The following ACOT13 variants were observed in gnomAD, a reference collection of about 807,000 sequenced individuals.
ACOT13 encodes the protein acyl-CoA thioesterase 13.
ACOT13 carries 10 observed loss-of-function variants against 11.8 expected under a neutral mutation model. The observed-to-expected ratio is 0.85, with a 90% confidence interval of 0.53 to 1.44. The LOEUF is 1.44. Among genes scored for constraint, ACOT13 ranks in the 40% most tolerant of loss-of-function variants. ACOT13 has a pLI of 0.00. For synonymous variants in ACOT13, 53 were observed against 61.0 expected, an observed-to-expected ratio of 0.87 and a Z score of 0.61; for missense variants, 172 against 174.1, an observed-to-expected ratio of 0.99 and a Z score of 0.07.
intron 1 of ACOT13, among the ~76,000 whole-genome samples, chr6:24,682,045 T>C (rs768604944): frequency 2.0e-5 from 3 of 151,870 alleles, no homozygotes; most frequent in Admixed American, 6.6e-5. Context: ...CCCAAGAAAA[T>C]TGAAAGTGGA....
intron 2 of ACOT13, 165 bp from the exon 3 acceptor site, chr6:24,701,294 G>T: frequency 2.0e-6 from 1 of 488,242 alleles, no homozygotes; most frequent in Non-Finnish European, 3.4e-6. Flanking sequence ...ATAGAACCTG[G>T]TTAGGACCAG....
intron 1 of ACOT13, among the ~76,000 whole-genome samples, chr6:24,680,202 C>T (rs1582437246): frequency 6.6e-6 from 1 of 152,186 alleles, no homozygotes; most frequent in South Asian, 2.1e-4. Flanking sequence ...CTCCATTTGC[C>T]CTCCTTTCTA....
chr6:24,685,922 A>G (rs1778623510), intron 1 of ACOT13, among the ~76,000 whole-genome samples: 1 of 152,098 alleles, frequency 6.6e-6, no homozygotes, highest in Admixed American at 6.5e-5. Flanking sequence ...GCTGAGTACC[A>G]TAGCGCACAC....
At chr6:24,684,781 G>A (rs958730199) in intron 1 of ACOT13, among the ~76,000 whole-genome samples, 1 of 141,520 alleles carries the variant, frequency 7.1e-6, no homozygotes, top group Admixed American at 7.1e-5. Context: ...GGGAGGCCCA[G>A]GTGGGAAGGT....
chr6:24,674,115 G>T (rs1402707299), intron 1 of ACOT13, among the ~76,000 whole-genome samples: 1 of 152,120 alleles, frequency 6.6e-6, no homozygotes, highest in Non-Finnish European at 1.5e-5. Flanking sequence ...AGGCTGGAAG[G>T]CAATGGCCCG....
At position 24,703,588 on chromosome 6, in the gene ACOT13, G is replaced by A. The variant is rs1420902971; in HGVS notation, c.*1973G>A. On this transcript the variant is annotated 3_prime_UTR_variant, in exon 3 of 3. Transcript: ENST00000230048. ...AGGTAGATAATAAATGGCAGAGATA[G>A]AACACTCTCTTACAACAAATGCTGT... 6.6e-6 allele frequency: 1 copy of A among 151,920 alleles called. No individual in the cohort carries two copies. Among genetic ancestry groups the A allele is most frequent in the Non-Finnish European group, 1.5e-5 (1 of 67,852 alleles). The allele number at this position is 151,920 out of a possible 1,614,324, so 9.4% of individuals were successfully genotyped here.
intron 1 of ACOT13, among the ~76,000 whole-genome samples, chr6:24,683,267 G>A (rs1215335235): frequency 6.6e-6 from 1 of 152,216 alleles, no homozygotes; most frequent in Non-Finnish European, 1.5e-5. Context: ...GTTGGGCCCG[G>A]TGGCTCACGC....
chr6:24,693,142 T>C (rs974808814), intron 1 of ACOT13, among the ~76,000 whole-genome samples: 9 of 152,254 alleles, frequency 5.9e-5, no homozygotes, highest in Non-Finnish European at 1.2e-4. Flanking sequence ...GCAACATCCA[T>C]GGTCAGGGAA....
intron 1 of ACOT13, among the ~76,000 whole-genome samples, chr6:24,688,217 A>C (rs1161493456): frequency 6.6e-6 from 1 of 151,984 alleles, no homozygotes; most frequent in African/African-American, 2.4e-5. Context: ...GCACAAAAAA[A>C]TTTGTTGCAG....
intron 1 of ACOT13, among the ~76,000 whole-genome samples, chr6:24,671,621 C>A (rs1330857341): frequency 6.6e-6 from 1 of 151,642 alleles, no homozygotes; most frequent in Admixed American, 6.6e-5. Flanking sequence ...TTTAAAAAAA[C>A]AAATTTAACA....
chr6:24,696,767 T>C (rs1452171740), intron 1 of ACOT13, among the ~76,000 whole-genome samples: 1 of 152,132 alleles, frequency 6.6e-6, no homozygotes, highest in Non-Finnish European at 1.5e-5. Flanking sequence ...ATGTTTGATA[T>C]AAAAATCATA....
chr6:24,667,894 G>A (rs749989054), intron 1 of ACOT13, among the ~76,000 whole-genome samples: 1 of 152,124 alleles, frequency 6.6e-6, no homozygotes, highest in Non-Finnish European at 1.5e-5. Context: ...CACAAAGCCC[G>A]AAGGTGTTTG....
chr6:24,704,732 T>C lies in ACOT13; in HGVS notation c.*3117T>C, dbSNP rs1778965687. 6.6e-6 allele frequency: 1 copy of C among 152,212 alleles called. No homozygotes were observed. Among genetic ancestry groups the C allele is most frequent in the African/African-American group, 2.4e-5 (1 of 41,458 alleles). The allele number at this position is 152,212 out of a possible 1,614,324, so 9.4% of individuals were successfully genotyped here. A position where few individuals can be genotyped will look rare whatever the true frequency, so the allele number is the denominator to read the frequency against. On this transcript the variant is annotated 3_prime_UTR_variant, in exon 3 of 3. Transcript: ENST00000230048. ...AGTATGTTCTTGATTCCTGTTCTTG[T>C]TGAAGTTACACACTCAATTGCCAGG...
At chr6:24,697,835 T>C in intron 1 of ACOT13, 48 bp from the exon 2 acceptor site, 1 of 1,472,548 alleles carries the variant, frequency 6.8e-7, no homozygotes, top group Non-Finnish European at 9.1e-7. Context: ...TTTTTGGCTT[T>C]TCTAATTCTA....
In ACOT13 at chr6:24,702,628, CTTTTT is replaced by C. The variant is rs141582707; in HGVS notation, c.*1016_*1020del. ...AAATGCCAAGCTACACTTGCATTTC[CTTTTT>C]TTAAGATTATGAAACTTCAAAATAT... is the stretch of plus-strand genomic sequence containing the variant. On this transcript the variant is annotated 3_prime_UTR_variant, in exon 3 of 3. Transcript: ENST00000230048. The C allele has an allele frequency of 6.6e-6, 1 of 152,048 alleles. No homozygotes were observed. Among genetic ancestry groups the C allele is most frequent in the Non-Finnish European group, 1.5e-5 (1 of 68,002 alleles). 9.4% of individuals were successfully genotyped at this position (152,048 alleles called of 1,614,324 possible). A position where few individuals can be genotyped will look rare whatever the true frequency, so the allele number is the denominator to read the frequency against.
At chr6:24,700,214 C>T (rs1778869606) in intron 2 of ACOT13, among the ~76,000 whole-genome samples, 1 of 152,186 alleles carries the variant, frequency 6.6e-6, no homozygotes, top group Non-Finnish European at 1.5e-5. Flanking sequence ...ATTCCCCGGA[C>T]TTAATGTTTA....
At chr6:24,691,351 A>G (rs1778714422) in intron 1 of ACOT13, among the ~76,000 whole-genome samples, 5 of 152,234 alleles carry the variant, frequency 3.3e-5, no homozygotes, top group Admixed American at 3.3e-4. Context: ...GGTACTGGAG[A>G]TACATCAGTG....
chr6:24,679,214 T>G (rs1778507174), intron 1 of ACOT13, among the ~76,000 whole-genome samples: 1 of 150,596 alleles, frequency 6.6e-6, no homozygotes, highest in African/African-American at 2.4e-5. Flanking sequence ...GGGCCATGAC[T>G]AAAGCAGTGG....
At position 24,701,541 on chromosome 6, in the gene ACOT13, T is replaced by G. The variant is rs774181794; in HGVS notation, c.349T>G (p.Ser117Ala). 3 of 1,613,982 alleles carry G rather than the reference T, an allele frequency of 1.9e-6. No individual in the cohort carries two copies. Among genetic ancestry groups the G allele is most frequent in the Non-Finnish European group, 2.5e-6 (3 of 1,179,920 alleles). ...GCAAGGAAAAACACTTGCATTTACC[T>G]CTGTGGATCTGACCAACAAGGCCAC... Reference protein sequence around the residue: ...LKQGKTLAFTSVDLTNKATGK... With the variant: ...LKQGKTLAFTAVDLTNKATGK... Residue 117 changes from serine to alanine, a missense_variant, in exon 3 of 3, where the codon TCT becomes GCT. Physicochemically the swap from Ser to Ala is moderately conservative, Grantham distance 99. Coordinates refer to ENST00000230048, the MANE Select transcript of ACOT13 (RefSeq NM_018473.4).
Sources: gnomAD v4.1 joint callset for allele counts (sites outside exome capture counted in the v4.1 genomes callset) on GRCh38, gnomAD v4.1.1 for gene constraint, MANE v1.5 for transcripts, NCBI Gene and HGNC (gene_info 2026-07-23, HGNC 2026-07-21) for gene names.